Variants in TEAD1 observed in about 807,000 individuals in gnomAD.
The protein encoded by TEAD1 is TEA domain transcription factor 1, also known as transcriptional enhancer factor TEF-1.
TEAD1 carries 9 observed loss-of-function variants against 54.9 expected under a neutral mutation model. The ratio of observed to expected loss-of-function variants is 0.16; its 90% confidence interval spans 0.10 to 0.29. The LOEUF (loss-of-function observed/expected upper bound fraction) is 0.29. Ranked by LOEUF, TEAD1 falls within the 10% of genes least tolerant of loss-of-function variation. The pLI is 1.00. For missense variants in TEAD1, 387 were observed against 535.9 expected (o/e 0.72, Z 2.74); for synonymous variants, 200 against 187.8 (o/e 1.07, Z -0.53).
intron 2 of TEAD1, 135 bp from the exon 3 acceptor site, chr11:12,764,044 G>A: frequency 3.2e-6 from 2 of 633,898 alleles, no homozygotes; most frequent in South Asian, 2.2e-5. Context: ...CCAAAACCAT[G>A]TGTATCCCCA....
chr11:12,829,349 A>G (rs1946724666), intron 3 of TEAD1, among the ~76,000 whole-genome samples: 1 of 152,166 alleles, frequency 6.6e-6, no homozygotes, highest in Non-Finnish European at 1.5e-5. Flanking sequence ...CTGTGTAAGC[A>G]TCCCTTAAAC....
intron 10 of TEAD1, among the ~76,000 whole-genome samples, chr11:12,923,957 A>G (rs1948860827): frequency 6.6e-6 from 1 of 152,224 alleles, no homozygotes; most frequent in South Asian, 2.1e-4. Flanking sequence ...TGGACATTGC[A>G]TCCTGCTGAA....
chr11:12,705,209 G>A (rs1023869477), intron 2 of TEAD1, among the ~76,000 whole-genome samples: 1 of 152,178 alleles, frequency 6.6e-6, no homozygotes, highest in Non-Finnish European at 1.5e-5. Context: ...TTCTGTTTTA[G>A]GGAACCAACA....
chr11:12,815,252 A>T (rs1946392688), intron 3 of TEAD1, among the ~76,000 whole-genome samples: 1 of 151,104 alleles, frequency 6.6e-6, no homozygotes, highest in Non-Finnish European at 1.5e-5. Flanking sequence ...CCTCCCTCCC[A>T]TCCTCCCTTC....
chr11:12,776,445 T>C (rs1392000125), intron 3 of TEAD1, among the ~76,000 whole-genome samples: 1 of 152,152 alleles, frequency 6.6e-6, no homozygotes, highest in Non-Finnish European at 1.5e-5. Flanking sequence ...AGTAATGTTT[T>C]TGATGGCCAT....
rs1201898519 is a variant in TEAD1 at position 12,897,821 on chromosome 11, C to T, written c.700-4119C>T. ...TTAGTTTTTTTGCTGTTGTTCCTTT[C>T]CCAAATCAACTTTCAAAAAACGTTG... On this transcript the variant is annotated intron_variant, in intron 9 of 12. Coordinates refer to ENST00000527636, the MANE Select transcript of TEAD1 (RefSeq NM_021961.6). 2.0e-5 allele frequency among the ~76,000 whole-genome samples: 3 copies of T among 152,282 alleles called. No individual in the cohort carries two copies. The East Asian group carries it at 5.8e-4, about 29-fold the overall frequency.
intron 2 of TEAD1, among the ~76,000 whole-genome samples, chr11:12,745,988 T>C (rs1944739550): frequency 6.6e-6 from 1 of 152,234 alleles, no homozygotes; most frequent in Non-Finnish European, 1.5e-5. Flanking sequence ...TTCTTGTAGC[T>C]GGGCCTGTAC....
intron 3 of TEAD1, among the ~76,000 whole-genome samples, chr11:12,840,249 AAAAAAAAAAAAAAG>A (rs1457952496): frequency 5.2e-4 from 22 of 42,576 alleles, no homozygotes; most frequent in Admixed American, 1.2e-3. Context: ...TCTGCCTCAA[AAAAAAAAAAAAAAG>A]AAAAAAAAAA....
chr11:12,937,205 A>G lies in TEAD1; in HGVS notation c.1264A>G (p.Arg422Gly). 1 of 1,612,984 alleles carries G rather than the reference A, an allele frequency of 6.2e-7. No individual in the cohort carries two copies. The highest frequency in any genetic ancestry group is 2.2e-5 in the East Asian group (1 of 44,858). The change falls in exon 13 of 13, where the codon AGG becomes GGG. Residue 422 changes from arginine (R) to glycine (G), a missense_variant. Around this residue, in one of 5 missense-constraint regions of TEAD1, gnomAD observed 123 missense variants for 199.0 expected, o/e 0.62. Transcript: ENST00000527636. ...ACACGGAGCACAACATCATATTTAC[A>G]GGCTTGTAAAGGACTGAACATGGTT...
At chr11:12,846,502 C>T (rs1947155622) in intron 3 of TEAD1, among the ~76,000 whole-genome samples, 2 of 151,752 alleles carry the variant, frequency 1.3e-5, no homozygotes, top group African/African-American at 4.8e-5. Flanking sequence ...TTGGGCTCTG[C>T]CTTTTTTTTT....
chr11:12,932,100 G>C (rs1038002081), intron 12 of TEAD1, among the ~76,000 whole-genome samples: 6 of 152,210 alleles, frequency 3.9e-5, no homozygotes. Flanking sequence ...ATCTTAATGG[G>C]TTCTCAGATG....
chr11:12,807,026 C>T (rs1946186959), intron 3 of TEAD1, among the ~76,000 whole-genome samples: 1 of 152,152 alleles, frequency 6.6e-6, no homozygotes, highest in Non-Finnish European at 1.5e-5. Flanking sequence ...AAGCAAATTG[C>T]ATTGCACTTT....
chr11:12,879,271 G>A lies in TEAD1; in HGVS notation c.331-437G>A, dbSNP rs150351598. Among the ~76,000 whole-genome samples, 340 of 152,286 alleles carry A rather than the reference G, an allele frequency of 2.2e-3. 1 individual carries two copies. The highest frequency in any genetic ancestry group is 7.7e-3 in the African/African-American group (322 of 41,568). ...AGGACACACAGATAGGGCTCCTCGA[G>A]CTCTGTGGACGGTCCTACCCCAGTC... On this transcript the variant is annotated intron_variant, in intron 5 of 12. Coordinates refer to ENST00000527636, the MANE Select transcript of TEAD1 (RefSeq NM_021961.6).
intron 2 of TEAD1, among the ~76,000 whole-genome samples, chr11:12,730,837 A>C (rs1944412077): frequency 6.6e-6 from 1 of 151,588 alleles, no homozygotes; most frequent in Non-Finnish European, 1.5e-5. Context: ...AGCAGCTGGA[A>C]CTACAGGCAC....
At chr11:12,730,912 G>T (rs1944413224) in intron 2 of TEAD1, among the ~76,000 whole-genome samples, 1 of 151,752 alleles carries the variant, frequency 6.6e-6, no homozygotes, top group Admixed American at 6.6e-5. Context: ...ATGTTGGCCA[G>T]GCTGGTCTCG....
At chr11:12,797,878 C>A (rs1204185270) in intron 3 of TEAD1, among the ~76,000 whole-genome samples, 1 of 152,154 alleles carries the variant, frequency 6.6e-6, no homozygotes, top group Non-Finnish European at 1.5e-5. Context: ...CCTGTAGGGA[C>A]TGATCAGTCC....
At chr11:12,746,431 G>A (rs1336749656) in intron 2 of TEAD1, among the ~76,000 whole-genome samples, 1 of 152,052 alleles carries the variant, frequency 6.6e-6, no homozygotes, top group Non-Finnish European at 1.5e-5. Flanking sequence ...TATTAAATAA[G>A]CAAACTAAAG....
In TEAD1 at chr11:12,840,413, A is replaced by G. The variant is rs1370180946; in HGVS notation, c.203-21837A>G. ...AGAAGCTTGTGAGAGTTAAGAGGCC[A>G]TATTCAGTGTTGTGCTGGTAAATAT... is the stretch of plus-strand genomic sequence containing the variant. On this transcript the variant is annotated intron_variant, in intron 3 of 12. Transcript: ENST00000527636. Among the ~76,000 whole-genome samples the G allele has an allele frequency of 5.3e-5, 8 of 152,270 alleles. No individual in the cohort carries two copies. In the East Asian group the frequency reaches 1.5e-3, roughly 29 times the overall value.
intron 2 of TEAD1, among the ~76,000 whole-genome samples, chr11:12,705,947 A>G (rs1943805423): frequency 6.6e-6 from 1 of 152,166 alleles, no homozygotes; most frequent in African/African-American, 2.4e-5. Context: ...ATATAGTGTG[A>G]TTACCCTCGT....
Sources: gnomAD v4.1 joint callset for allele counts (sites outside exome capture counted in the v4.1 genomes callset) on GRCh38, gnomAD v4.1.1 for gene constraint, gnomAD v4.1.1 regional missense constraint, MANE v1.5 for transcripts, NCBI Gene and HGNC (gene_info 2026-07-23, HGNC 2026-07-21) for gene names.